Variants in SDK1 observed in about 807,000 individuals in gnomAD.
The protein encoded by SDK1 is protein sidekick-1.
A neutral mutation model predicts 245.5 loss-of-function variants in SDK1; 157 were observed. The ratio of observed to expected loss-of-function variants is 0.64; its 90% CI spans 0.56 to 0.73. The LOEUF (loss-of-function observed/expected upper bound fraction) is 0.73, where lower values mean the gene tolerates loss of function less well. SDK1 is among the 30% of genes least tolerant of loss of function. SDK1 has a pLI of 0.00. For synonymous variants in SDK1, 1,647 were observed against 1,278.5 expected, an observed-to-expected ratio of 1.29 and a Z score of -6.15; for missense variants, 3,583 against 3,002.3, an observed-to-expected ratio of 1.19 and a Z score of -4.52.
At chr7:3,666,466 G>T (rs1338702973) in intron 4 of SDK1, among the ~76,000 whole-genome samples, 1 of 152,076 alleles carries the variant, frequency 6.6e-6, no homozygotes, top group Non-Finnish European at 1.5e-5. Flanking sequence ...CATTTCCCAG[G>T]CTCCTGCCCT....
chr7:3,371,156 T>C (rs1781218204), intron 1 of SDK1, among the ~76,000 whole-genome samples: 1 of 152,160 alleles, frequency 6.6e-6, no homozygotes, highest in South Asian at 2.1e-4. Flanking sequence ...GAAGGGAATA[T>C]ATGTCACACG....
At chr7:4,073,525 C>T (rs1043415879) in intron 20 of SDK1, among the ~76,000 whole-genome samples, 2 of 152,330 alleles carry the variant, frequency 1.3e-5, no homozygotes, top group African/African-American at 2.4e-5. Context: ...ACAAACATGA[C>T]GCTGTGTTTC....
At chr7:4,128,269 C>T (rs1448889345) in intron 26 of SDK1, among the ~76,000 whole-genome samples, 2 of 152,210 alleles carry the variant, frequency 1.3e-5, no homozygotes, top group African/African-American at 2.4e-5. Flanking sequence ...CATCCCTATT[C>T]TTTGTTTTCC....
intron 26 of SDK1, chr7:4,129,605 T>C (rs1428836923): frequency 2.6e-6 from 3 of 1,161,408 alleles, no homozygotes; most frequent in African/African-American, 1.6e-5. Flanking sequence ...GTCTTTGTTT[T>C]AGTGGCTGTG....
intron 20 of SDK1, among the ~76,000 whole-genome samples, chr7:4,068,760 C>T (rs145620697): frequency 7.3e-4 from 107 of 146,874 alleles, no homozygotes; most frequent in African/African-American, 2.9e-3. Flanking sequence ...CTTGCTCTCT[C>T]GCCCAGGCTG....
chr7:3,694,996 G>A (rs1021112982), intron 4 of SDK1, among the ~76,000 whole-genome samples: 5 of 152,296 alleles, frequency 3.3e-5, no homozygotes, highest in African/African-American at 4.8e-5. Flanking sequence ...TTCCAGGATA[G>A]AAATGCTTTC....
chr7:3,478,164 C>G (rs1024010792), intron 1 of SDK1, among the ~76,000 whole-genome samples: 1 of 151,966 alleles, frequency 6.6e-6, no homozygotes, highest in South Asian at 2.1e-4. Flanking sequence ...GGGAAAATAT[C>G]CCTCATTATT....
At chr7:4,247,995 T>G (rs187068508) in intron 44 of SDK1, among the ~76,000 whole-genome samples, 120 of 152,236 alleles carry the variant, frequency 7.9e-4, no homozygotes, top group African/African-American at 2.6e-3. Flanking sequence ...GAATATTTGT[T>G]CCTAAAAGCA....
intron 14 of SDK1, among the ~76,000 whole-genome samples, chr7:3,999,270 CA>C (rs1394297408): frequency 6.6e-6 from 1 of 152,190 alleles, no homozygotes; most frequent in Non-Finnish European, 1.5e-5. Flanking sequence ...TCAGTTCACG[CA>C]AGTCTGCAAA....
intron 1 of SDK1, among the ~76,000 whole-genome samples, chr7:3,414,249 G>T (rs1779297603): frequency 6.6e-6 from 1 of 152,120 alleles, no homozygotes; most frequent in Non-Finnish European, 1.5e-5. Flanking sequence ...AGGAGGAGGA[G>T]AAATTTGAAG....
intron 1 of SDK1, among the ~76,000 whole-genome samples, chr7:3,404,167 TG>T (rs1247681036): frequency 2.0e-5 from 3 of 151,868 alleles, no homozygotes; most frequent in African/African-American, 7.3e-5. Context: ...TTGCTGGACA[TG>T]GGCTGCCACA....
chr7:3,600,199 G>A (rs1411792942), intron 1 of SDK1, among the ~76,000 whole-genome samples: 1 of 152,142 alleles, frequency 6.6e-6, no homozygotes, highest in East Asian at 1.9e-4. Flanking sequence ...ATGGTATTAT[G>A]TGTTTCATTT....
intron 1 of SDK1, among the ~76,000 whole-genome samples, chr7:3,616,749 A>G (rs181154504): frequency 5.3e-5 from 8 of 152,288 alleles, no homozygotes; most frequent in Non-Finnish European, 1.0e-4. Flanking sequence ...TTATATTTAA[A>G]TTCTATATAT....
Position 4,268,711 on chromosome 7 carries a change from G to T in SDK1, c.*3327G>T, listed in dbSNP as rs371828378. 5 of 1,367,720 alleles carry T rather than the reference G, an allele frequency of 3.7e-6. No individual in the cohort carries two copies. Among genetic ancestry groups the T allele is most frequent in the African/African-American group, 1.5e-5 (1 of 67,722 alleles). 84.7% of individuals were successfully genotyped at this position (1,367,720 alleles called of 1,614,324 possible). On this transcript the variant is annotated 3_prime_UTR_variant, in exon 45 of 45. Transcript: ENST00000404826. ...TCCTCCTGACGAGCAACCCGTCTGC[G>T]TACCTAAGTGTGGCTCCCCGTGGGT...
intron 1 of SDK1, among the ~76,000 whole-genome samples, chr7:3,323,843 C>T (rs916272335): frequency 1.3e-5 from 2 of 152,144 alleles, no homozygotes; most frequent in Non-Finnish European, 2.9e-5. Context: ...TGAATTCTGC[C>T]TAGCACAGTG....
At chr7:3,592,930 C>G (rs973622397) in intron 1 of SDK1, among the ~76,000 whole-genome samples, 7 of 152,194 alleles carry the variant, frequency 4.6e-5, no homozygotes, top group African/African-American at 1.7e-4. Context: ...TGTCCTCCTG[C>G]CCTCTGCAGG....
chr7:3,411,827 G>A (rs1562471119), intron 1 of SDK1, among the ~76,000 whole-genome samples: 1 of 152,094 alleles, frequency 6.6e-6, no homozygotes, highest in Non-Finnish European at 1.5e-5. Context: ...ATGTCTGTGA[G>A]GGCTTGATGG....
chr7:3,650,078 C>G (rs1213320966), intron 4 of SDK1, among the ~76,000 whole-genome samples: 1 of 151,546 alleles, frequency 6.6e-6, no homozygotes, highest in Non-Finnish European at 1.5e-5. Context: ...GAGATAGGGT[C>G]TCACTTTATC....
At chr7:3,369,845 G>T (rs1781179595) in intron 1 of SDK1, among the ~76,000 whole-genome samples, 1 of 152,120 alleles carries the variant, frequency 6.6e-6, no homozygotes, top group African/African-American at 2.4e-5. Context: ...CGCATTTATG[G>T]CGTGCAGTGT....
Sources: allele counts gnomAD v4.1 joint callset (sites outside exome capture counted in the v4.1 genomes callset), GRCh38; gene constraint gnomAD v4.1.1; transcripts MANE v1.5; gene names NCBI Gene and HGNC (gene_info 2026-07-23, HGNC 2026-07-21).